The following ZEB1 variants were observed in gnomAD, a reference collection of about 807,000 sequenced individuals.
ZEB1 encodes zinc finger E-box-binding homeobox 1.
ZEB1 carries 21 observed loss-of-function variants against 84.9 expected under a neutral mutation model. That is an observed-to-expected ratio of 0.25 (90% CI 0.18 to 0.36). The LOEUF (loss-of-function observed/expected upper bound fraction) is 0.36. Among genes scored for constraint, ZEB1 ranks in the 10% least tolerant of loss-of-function variants. The probability of loss-of-function intolerance (pLI) is 1.00; values close to 1 mark genes in which losing one functional copy is unlikely to be tolerated. For missense variants in ZEB1, 1,104 were observed against 1,330.2 expected (o/e 0.83, Z 2.65); for synonymous variants, 420 against 471.1 (o/e 0.89, Z 1.41).
chr10:31,418,099 T>C (rs1421576438), intron 1 of ZEB1, among the ~76,000 whole-genome samples: 5 of 151,912 alleles, frequency 3.3e-5, no homozygotes, highest in Non-Finnish European at 7.4e-5. Context: ...TTATACCAAA[T>C]GAAACAAAGT....
At chr10:31,468,297 T>C (rs2062700994) in intron 2 of ZEB1, among the ~76,000 whole-genome samples, 1 of 151,914 alleles carries the variant, frequency 6.6e-6, no homozygotes, top group South Asian at 2.1e-4. Flanking sequence ...CTTGTATTCC[T>C]TATCAACAAA....
chr10:31,435,881 T>G (rs1448541011), intron 1 of ZEB1, among the ~76,000 whole-genome samples: 1 of 152,170 alleles, frequency 6.6e-6, no homozygotes, highest in African/African-American at 2.4e-5. Context: ...GACATGGTAT[T>G]GTAGTCCTGA....
At chr10:31,397,272 A>C (rs1410373667) in intron 1 of ZEB1, among the ~76,000 whole-genome samples, 1 of 150,562 alleles carries the variant, frequency 6.6e-6, no homozygotes, top group Non-Finnish European at 1.5e-5. Flanking sequence ...AAAATGGGGA[A>C]ATTAAAACAC....
At chr10:31,504,955 G>T (rs2068725456) in intron 4 of ZEB1, among the ~76,000 whole-genome samples, 1 of 152,008 alleles carries the variant, frequency 6.6e-6, no homozygotes, top group African/African-American at 2.4e-5. Flanking sequence ...TTGCCCAATT[G>T]CTCTGGCTAG....
intron 1 of ZEB1, among the ~76,000 whole-genome samples, chr10:31,429,610 C>A (rs12218531): frequency 1.3e-5 from 2 of 150,666 alleles, no homozygotes; most frequent in African/African-American, 4.9e-5. Flanking sequence ...ATGAAATAAT[C>A]TGCACAACAA....
At chr10:31,469,597 G>A (rs2062918112) in intron 2 of ZEB1, among the ~76,000 whole-genome samples, 2 of 152,228 alleles carry the variant, frequency 1.3e-5, no homozygotes, top group Admixed American at 6.5e-5. Flanking sequence ...TAGCACAGCA[G>A]TCTGAGATCA....
chr10:31,393,499 C>G (rs530603109), intron 1 of ZEB1, among the ~76,000 whole-genome samples: 180 of 151,936 alleles, frequency 1.2e-3, no homozygotes, highest in African/African-American at 4.2e-3. Context: ...GGAATATTTG[C>G]AAATATTTGT....
chr10:31,396,865 C>T (rs1590814312), intron 1 of ZEB1, among the ~76,000 whole-genome samples: 2 of 152,200 alleles, frequency 1.3e-5, no homozygotes, highest in East Asian at 3.9e-4. Flanking sequence ...TTCAGGGAAT[C>T]TGGATCTCTT....
chr10:31,333,830 G>A (rs2037355657), intron 1 of ZEB1, among the ~76,000 whole-genome samples: 1 of 151,942 alleles, frequency 6.6e-6, no homozygotes, highest in Non-Finnish European at 1.5e-5. Flanking sequence ...ACCTTAAAAA[G>A]CATATTCTCG....
intron 3 of ZEB1, among the ~76,000 whole-genome samples, chr10:31,496,888 C>A (rs995816362): frequency 3.3e-5 from 5 of 152,012 alleles, no homozygotes; most frequent in African/African-American, 4.8e-5. Flanking sequence ...AATAGCACTC[C>A]TATACTCGTC....
chr10:31,336,013 C>A (rs954348836), intron 1 of ZEB1, among the ~76,000 whole-genome samples: 1 of 152,096 alleles, frequency 6.6e-6, no homozygotes, highest in South Asian at 2.1e-4. Context: ...AATCTAACAA[C>A]GTGCTCAATA....
intron 4 of ZEB1, among the ~76,000 whole-genome samples, chr10:31,505,976 T>G (rs1390436586): frequency 1.3e-5 from 2 of 152,188 alleles, no homozygotes; most frequent in African/African-American, 4.8e-5. Context: ...TAATTTTAAT[T>G]TCATTTAAAG....
intron 1 of ZEB1, among the ~76,000 whole-genome samples, chr10:31,386,764 G>A (rs561552157): frequency 1.5e-4 from 23 of 152,194 alleles, no homozygotes; most frequent in Non-Finnish European, 2.6e-4. Flanking sequence ...CAGAATTTCC[G>A]CTGGCTCTAA....
intron 1 of ZEB1, chr10:31,363,383 C>G (rs1254725750): frequency 2.0e-6 from 3 of 1,534,382 alleles, no homozygotes; most frequent in Non-Finnish European, 2.6e-6. Flanking sequence ...TGGGCCTTGT[C>G]AGTCTGATTC....
intron 1 of ZEB1, among the ~76,000 whole-genome samples, chr10:31,340,490 C>T (rs2039148788): frequency 6.6e-6 from 1 of 152,172 alleles, no homozygotes; most frequent in African/African-American, 2.4e-5. Context: ...CATCCAGCTT[C>T]TGATCTTCAG....
At chr10:31,397,159 TTTATTATTATTATTATTATTA>T (rs200770494) in intron 1 of ZEB1, among the ~76,000 whole-genome samples, 1 of 128,362 alleles carries the variant, frequency 7.8e-6, no homozygotes, top group African/African-American at 3.0e-5. Flanking sequence ...TCTTGGGTTT[TTTATTATTATTATTATTATTA>T]TTATTATTAT....
intron 3 of ZEB1, among the ~76,000 whole-genome samples, chr10:31,496,914 A>G: frequency 6.6e-6 from 1 of 152,108 alleles, no homozygotes. Context: ...TTTCTGTAAA[A>G]CAGAGTAAAT....
chr10:31,493,963 T>C (rs954534654), intron 2 of ZEB1, among the ~76,000 whole-genome samples: 1 of 151,926 alleles, frequency 6.6e-6, no homozygotes, highest in Non-Finnish European at 1.5e-5. Context: ...CCTAAAATAG[T>C]TATAAGTAGA....
chr10:31,324,841 A>G (rs1211715597), intron 1 of ZEB1, among the ~76,000 whole-genome samples: 2 of 152,060 alleles, frequency 1.3e-5, no homozygotes, highest in East Asian at 3.8e-4. Context: ...TAATCATTCA[A>G]CTAGATATGA....
Sources: allele counts gnomAD v4.1 joint callset (sites outside exome capture counted in the v4.1 genomes callset), GRCh38; gene constraint gnomAD v4.1.1; transcripts MANE v1.5; gene names NCBI Gene and HGNC (gene_info 2026-07-23, HGNC 2026-07-21).